The following EIF4G1 variants were observed in gnomAD, a reference collection of about 807,000 sequenced individuals.
EIF4G1 encodes eukaryotic translation initiation factor 4 gamma 1, also known as EIF4-gamma.
Under a neutral mutation model 187.8 loss-of-function variants are expected in EIF4G1, and 4 were observed. The observed-to-expected ratio is 0.02, with a 90% confidence interval of 0.01 to 0.05. EIF4G1 has a LOEUF of 0.05. Ranked by LOEUF, EIF4G1 falls within the 10% of genes least tolerant of loss-of-function variation. EIF4G1 has a pLI of 1.00. For synonymous variants in EIF4G1, 844 were observed against 781.4 expected, an observed-to-expected ratio of 1.08 and a Z score of -1.34; for missense variants, 1,647 against 2,081.1, an observed-to-expected ratio of 0.79 and a Z score of 4.06.
At chr3:184,332,965 A>G (rs1726425371) in intron 32 of EIF4G1, among the ~76,000 whole-genome samples, 1 of 152,100 alleles carries the variant, frequency 6.6e-6, no homozygotes, top group South Asian at 2.1e-4. Flanking sequence ...GGAATAAAGG[A>G]ATTTGATTTT....
chr3:184,331,973 C>T lies in EIF4G1; in HGVS notation c.4505C>T (p.Ala1502Val), dbSNP rs780846755. ...GAGACTCCCCTCCGAGTGGACGTTG[C>T]AGTGCTGAAAGCGCGAGCGAAGCTG... ...IFETPLRVDV[A>V]VLKARAKLLQ... is the part of the protein sequence containing the mutation. The change falls in exon 32 of 33, where the codon GCA (alanine) becomes GTA (valine). Residue 1502 changes from alanine (A) to valine (V), a missense_variant. By Grantham distance (64) the Ala-to-Val change is moderately conservative. Transcript: ENST00000346169. The T allele has an allele frequency of 6.2e-7, 1 of 1,614,168 alleles. No homozygotes were observed. The highest frequency in any genetic ancestry group is 1.7e-5 in the Admixed American group (1 of 60,024).
At chr3:184,328,093 A>C (rs1223122124) in intron 26 of EIF4G1, 91 bp downstream of exon 26, 5 of 1,487,642 alleles carry the variant, frequency 3.4e-6, no homozygotes, top group Non-Finnish European at 4.6e-6. Flanking sequence ...ATAAGAGTGT[A>C]GGTTCCCTGG....
chr3:184,328,499 T>G (rs991940656), intron 26 of EIF4G1, 132 bp from the exon 27 acceptor site: 67 of 1,310,122 alleles, frequency 5.1e-5, no homozygotes, highest in Non-Finnish European at 7.3e-5. Flanking sequence ...GGCCTTAGCT[T>G]GAAATAATTG....
chr3:184,322,806 C>T lies in EIF4G1; in HGVS notation c.1796-15C>T, dbSNP rs755673289. The T allele has an allele frequency of 6.2e-7, 1 of 1,614,196 alleles. No homozygotes were observed. Among genetic ancestry groups the T allele is most frequent in the African/African-American group, 1.3e-5 (1 of 75,030 alleles). ...GAGGAGGCAGTATGATTGCTTCATTCTGTTTTCCTTGCAGATCAGTGGAAG... is the reference window on the plus strand; with the variant it reads ...GAGGAGGCAGTATGATTGCTTCATTTTGTTTTCCTTGCAGATCAGTGGAAG... On this transcript the variant is annotated splice_polypyrimidine_tract_variant and intron_variant, in intron 12 of 32. Coordinates refer to ENST00000346169, the MANE Select transcript of EIF4G1 (RefSeq NM_198241.3).
Position 184,323,876 on chromosome 3 carries a change from G to C in EIF4G1, c.2371G>C (p.Glu791Gln). Residue 791 changes from glutamate to glutamine, a missense_variant, in exon 16 of 33, where the codon GAG becomes CAG. Physicochemically the swap from Glu to Gln is conservative, Grantham distance 29 (BLOSUM62 2). Around this residue, in one of 11 missense-constraint regions of EIF4G1, gnomAD observed 36 missense variants for 87.6 expected, o/e 0.41. Transcript: ENST00000346169. The surrounding 1 kb of genome is among the most constrained non-coding windows in gnomAD (Gnocchi z 6.9). ...KQVTQLAIDT[E>Q]ERLKGVIDLI... ...AGTGACGCAGCTGGCCATCGACACC[G>C]AGGAACGCCTCAAAGGGGTCATTGA... 6.2e-7 allele frequency: 1 copy of C among 1,614,216 alleles called. No individual in the cohort carries two copies. The highest frequency in any genetic ancestry group is 8.5e-7 in the Non-Finnish European group (1 of 1,180,040).
At position 184,323,600 on chromosome 3, in the gene EIF4G1, G is replaced by A; in HGVS notation, c.2274+7G>A. On this transcript the variant is annotated splice_region_variant and intron_variant, in intron 15 of 32. Transcript: ENST00000346169. This position sits in a 1 kb window ranked among gnomAD's most constrained non-coding sequence, Gnocchi z 6.9. Reference sequence around the variant, plus strand: ...TGATGGCAGCAAAACCCAGGTACTGGCAAGTCCTGCTTTTGGTCTCTCTCC... The same window carrying A: ...TGATGGCAGCAAAACCCAGGTACTGACAAGTCCTGCTTTTGGTCTCTCTCC... 6.2e-7 allele frequency: 1 copy of A among 1,613,908 alleles called. No individual in the cohort carries two copies. Among genetic ancestry groups the A allele is most frequent in the Admixed American group, 1.7e-5 (1 of 60,012 alleles).
intron 27 of EIF4G1, 25 bp downstream of exon 27, chr3:184,328,781 G>C: frequency 6.2e-7 from 1 of 1,614,148 alleles, no homozygotes; most frequent in Non-Finnish European, 8.5e-7. Flanking sequence ...GTGGAATTCA[G>C]GGGAGGTAAA....
rs1726856320 is a variant in EIF4G1 at position 184,334,982 on chromosome 3, G to T, written c.*74G>T. The T allele has an allele frequency of 2.5e-6, 4 of 1,594,570 alleles. No homozygotes were observed. In the African/African-American group the frequency reaches 4.0e-5, roughly 16 times the overall value. On this transcript the variant is annotated 3_prime_UTR_variant, in exon 33 of 33. Transcript: ENST00000346169. This position sits in a 1 kb window ranked among gnomAD's most constrained non-coding sequence, Gnocchi z 5.8. ...CGGCTAGCCGCCTGGACTGCAGGGG[G>T]GCGGCAGCAGCGGCGGTGGCAGTGG... is the stretch of plus-strand genomic sequence containing the variant.
At chr3:184,326,061 G>T (rs548057225) in intron 21 of EIF4G1, 110 bp downstream of exon 21, 1 of 1,215,526 alleles carries the variant, frequency 8.2e-7, no homozygotes, top group African/African-American at 1.5e-5. Context: ...AGACTAACTG[G>T]TTGGATTGCT....
In EIF4G1 at chr3:184,317,735, G is replaced by C. The variant is rs1235078814; in HGVS notation, c.343G>C (p.Val115Leu). Residue 115 changes from valine (V) to leucine (L), a missense_variant, in exon 6 of 33, where the codon GTC becomes CTC. Around this residue, in one of 11 missense-constraint regions of EIF4G1, gnomAD observed 139 missense variants for 187.3 expected, o/e 0.74. Transcript: ENST00000346169. ...IPGQGRSTYV[V>L]PTQQYPVQPG... Reference sequence around the variant, plus strand: ...CCACCAGGGGCGTTCCACATACGTTGTCCCGACACAGCAGTACCCTGTGCA... The same window carrying C: ...CCACCAGGGGCGTTCCACATACGTTCTCCCGACACAGCAGTACCCTGTGCA... 3 of 1,614,052 alleles carry C rather than the reference G, an allele frequency of 1.9e-6. No individual in the cohort carries two copies. The South Asian group carries it at 3.3e-5, about 18-fold the overall frequency.
rs777574700 is a variant in EIF4G1, at chr3:184,327,613, T to C, written c.3689T>C (p.Val1230Ala). 2.4e-5 allele frequency: 39 copies of C among 1,614,060 alleles called. No individual in the cohort carries two copies. In the East Asian group the frequency reaches 8.5e-4, roughly 35 times the overall value. ...AAGCGAGAAGCTGCCCTACCCCCAG[T>C]GAGCCCCCTGAAGGCGGCTCTCTCT... ...AVKREAALPP[V>A]SPLKAALSEE... Residue 1230 changes from valine to alanine, a missense_variant, in exon 25 of 33, where the codon GTG (valine) becomes GCG (alanine). By Grantham distance (64) the Val-to-Ala change is moderately conservative. Around this residue, in one of 11 missense-constraint regions of EIF4G1, gnomAD observed 543 missense variants for 638.0 expected, o/e 0.85. Transcript: ENST00000346169.
chr3:184,322,177 A>G, intron 10 of EIF4G1, 74 bp downstream of exon 10: 5 of 1,606,362 alleles, frequency 3.1e-6, no homozygotes, highest in Middle Eastern at 1.7e-4. Context: ...ATGACCGCCC[A>G]TTTTTGACAT....
intron 21 of EIF4G1, 51 bp downstream of exon 21, chr3:184,326,002 C>T (rs776820026): frequency 2.3e-5 from 36 of 1,576,820 alleles, no homozygotes; most frequent in Non-Finnish European, 2.7e-5. Context: ...AGATCTTAGT[C>T]CCTTCACTTT....
rs777162450 is a variant in EIF4G1 at position 184,321,701 on chromosome 3, G to A, written c.1117G>A (p.Glu373Lys). ...GMVPSEDLEPEVESSPELAPP... is the reference protein window; with the variant it reads ...GMVPSEDLEPKVESSPELAPP... ...GGTCCCATCTGAAGATCTGGAACCA[G>A]AGGTGGAGTCAAGCCCAGAGCTTGC... is the stretch of plus-strand genomic sequence containing the variant. The change falls in exon 10 of 33, where the codon GAG becomes AAG. Residue 373 changes from glutamate (E) to lysine (K), a missense_variant. Physicochemically the swap from Glu to Lys is moderately conservative, Grantham distance 56 (BLOSUM62 1). Coordinates refer to ENST00000346169, the MANE Select transcript of EIF4G1 (RefSeq NM_198241.3). 2.5e-6 allele frequency: 4 copies of A among 1,593,228 alleles called. No individual in the cohort carries two copies. The African/African-American group carries it at 5.4e-5, about 21-fold the overall frequency.
In EIF4G1 at chr3:184,321,492, T is replaced by C; in HGVS notation, c.908T>C (p.Ile303Thr). The change falls in exon 10 of 33, where the codon ATC becomes ACC. Residue 303 changes from isoleucine (I) to threonine (T), a missense_variant. Ile to Thr is a moderately conservative substitution (Grantham distance 89, BLOSUM62 -1). Transcript: ENST00000346169. ...ATGTCTGTAGAAGAATCAACCCCCA[T>C]CTCCCGTGAAACTGGGGAGCCATAT... Reference protein sequence around the residue: ...IQMSVEESTPISRETGEPYRL... With the variant: ...IQMSVEESTPTSRETGEPYRL... The C allele has an allele frequency of 6.2e-7, 1 of 1,614,022 alleles. No homozygotes were observed. The highest frequency in any genetic ancestry group is 8.5e-7 in the Non-Finnish European group (1 of 1,180,012).
Position 184,325,216 on chromosome 3 carries a change from A to C in EIF4G1, c.2857-53A>C. 6.2e-7 allele frequency: 1 copy of C among 1,607,712 alleles called. No homozygotes were observed. Among genetic ancestry groups the C allele is most frequent in the Non-Finnish European group, 8.5e-7 (1 of 1,174,260 alleles). On this transcript the variant is annotated intron_variant, in intron 18 of 32. Transcript: ENST00000346169. This position sits in a 1 kb window ranked among gnomAD's most constrained non-coding sequence, Gnocchi z 5.2. ...AGGCCTGAGGAGGGGTGGGGCCTGC[A>C]GTTATAGGTGGGACATGAGAAGTTC...
rs780235176 is a variant in EIF4G1, at chr3:184,322,080, T to C, written c.1496T>C (p.Leu499Ser). The C allele has an allele frequency of 6.2e-7, 1 of 1,614,034 alleles. No individual in the cohort carries two copies. Among genetic ancestry groups the C allele is most frequent in the Non-Finnish European group, 8.5e-7 (1 of 1,180,032 alleles). Residue 499 changes from leucine (L) to serine (S), a missense_variant, in exon 10 of 33, where the codon TTG becomes TCG. Physicochemically the swap from Leu to Ser is moderately radical, Grantham distance 145 (BLOSUM62 -2). Transcript: ENST00000346169. ...TPIPANLSQN[L>S]EAAAATQVAV... ...ATTCCAGCCAACTTGTCTCAGAATT[T>C]GGAGGCAGCAGCAGCCACTCAAGGT... is the stretch of plus-strand genomic sequence containing the variant.
rs1725503119 is a variant in EIF4G1, at chr3:184,328,981, C to T, written c.4152C>T (p.Cys1384=). The part of the protein sequence containing the change: ...SLLLEILGLL[C]KSMGPKKVGT... Reference sequence around the variant, plus strand: ...TGCTGGAGATCCTGGGCCTCCTGTGCAAAAGCATGGTGAGTGAGGGCCAGG... The same window carrying T: ...TGCTGGAGATCCTGGGCCTCCTGTGTAAAAGCATGGTGAGTGAGGGCCAGG... Residue 1384 remains cysteine, a synonymous_variant, in exon 28 of 33, where the codon TGC becomes TGT. Coordinates refer to ENST00000346169, the MANE Select transcript of EIF4G1 (RefSeq NM_198241.3). 6 of 1,614,120 alleles carry T rather than the reference C, an allele frequency of 3.7e-6. No individual in the cohort carries two copies. The highest frequency in any genetic ancestry group is 1.7e-5 in the Admixed American group (1 of 60,022).
chr3:184,317,103 G>T (rs1722933331), intron 4 of EIF4G1, among the ~76,000 whole-genome samples: 1 of 152,202 alleles, frequency 6.6e-6, no homozygotes. Context: ...GTAAATCTCT[G>T]CAGGATGCAA....
Sources: allele counts gnomAD v4.1 joint callset (sites outside exome capture counted in the v4.1 genomes callset), GRCh38; gene constraint gnomAD v4.1.1; regional missense constraint gnomAD v4.1.1; non-coding constraint Gnocchi (gnomAD v3.1); transcripts MANE v1.5; gene names NCBI Gene and HGNC (gene_info 2026-07-23, HGNC 2026-07-21).